BPIFA2: variants seen among roughly 807,000 people sequenced by gnomAD.
The protein encoded by BPIFA2 is BPI fold containing family A member 2.
BPIFA2 carries 20 observed loss-of-function variants against 25.7 expected under a neutral mutation model. The ratio of observed to expected loss-of-function variants is 0.78; its 90% CI spans 0.55 to 1.13. The LOEUF is 1.13. BPIFA2 is among the 50% of genes most tolerant of loss of function. The pLI, the probability that BPIFA2 is intolerant of heterozygous loss-of-function variation, is 0.00. For missense variants in BPIFA2, 300 were observed against 298.1 expected (o/e 1.01, Z -0.05); for synonymous variants, 126 against 124.3 (o/e 1.01, Z -0.09).
chr20:33,163,155 G>A (rs1464157498), intron 1 of BPIFA2, among the ~76,000 whole-genome samples: 1 of 152,196 alleles, frequency 6.6e-6, no homozygotes, highest in Non-Finnish European at 1.5e-5. Context: ...TGTGACGAAT[G>A]AATGAATGAC....
rs1983960692 is a variant in BPIFA2, at chr20:33,173,179, C to A, written c.302+103C>A. 8 of 1,394,962 alleles carry A rather than the reference C, an allele frequency of 5.7e-6. No individual in the cohort carries two copies. The East Asian group carries it at 1.6e-4, about 28-fold the overall frequency. 86.4% of individuals were successfully genotyped at this position (1,394,962 alleles called of 1,614,324 possible). On this transcript the variant is annotated intron_variant, in intron 3 of 8. Transcript: ENST00000354932. ...GAAAGACAGATGGACAAGCCTCATT[C>A]CCCTCCCACAGAGCCAAGGTGGTCT...
chr20:33,163,732 G>A (rs576199103), upstream of BPIFA2, among the ~76,000 whole-genome samples: 4 of 152,284 alleles, frequency 2.6e-5, no homozygotes, highest in East Asian at 3.9e-4. Context: ...TGAGGCAGGA[G>A]AATCACTTGA....
chr20:33,168,991 C>A (rs1030081262), intron 1 of BPIFA2, 140 bp from the exon 2 acceptor site: 8 of 776,492 alleles, frequency 1.0e-5, no homozygotes, highest in Non-Finnish European at 1.4e-5. Flanking sequence ...AGCTTTCTGA[C>A]CTTGGCTGCC....
rs755255576 is a variant in BPIFA2 at position 33,175,592 on chromosome 20, C to G, written c.563+33C>G. ...CCATTCATCTTAGTAGAGCTGGGCT[C>G]TCAGGGAACTTGAGGACCCCTAATT... is the stretch of plus-strand genomic sequence containing the variant. On this transcript the variant is annotated intron_variant, in intron 5 of 8. Transcript: ENST00000354932. 3 of 1,606,026 alleles carry G rather than the reference C, an allele frequency of 1.9e-6. No homozygotes were observed. The African/African-American group carries it at 4.0e-5, about 22-fold the overall frequency.
chr20:33,176,476 A>G (rs970201632), intron 5 of BPIFA2, among the ~76,000 whole-genome samples: 7 of 152,214 alleles, frequency 4.6e-5, no homozygotes, highest in African/African-American at 1.7e-4. Flanking sequence ...GCACTGAGGG[A>G]TCTGAACACA....
chr20:33,180,457 G>C lies in BPIFA2; in HGVS notation c.710-63G>C, dbSNP rs1241439335. Reference sequence around the variant, plus strand: ...CGGCTGGAGAGCGGCATCTTTTGGAGTCTGGTCTCTATTCAATTCCAGTGG... The same window carrying C: ...CGGCTGGAGAGCGGCATCTTTTGGACTCTGGTCTCTATTCAATTCCAGTGG... On this transcript the variant is annotated intron_variant, in intron 7 of 8. Coordinates refer to ENST00000354932, the MANE Select transcript of BPIFA2 (RefSeq NM_080574.4). 3 of 1,546,284 alleles carry C rather than the reference G, an allele frequency of 1.9e-6. No homozygotes were observed. The African/African-American group carries it at 4.1e-5, about 21-fold the overall frequency.
At chr20:33,168,434 G>C (rs1983790535) in intron 1 of BPIFA2, among the ~76,000 whole-genome samples, 1 of 152,174 alleles carries the variant, frequency 6.6e-6, no homozygotes, top group Non-Finnish European at 1.5e-5. Flanking sequence ...TCCCATGACT[G>C]TCCAGGTGTC....
upstream of BPIFA2, among the ~76,000 whole-genome samples, chr20:33,163,931 C>T (rs1381752082): frequency 2.6e-5 from 4 of 152,162 alleles, no homozygotes; most frequent in African/African-American, 7.2e-5. Context: ...TACACATTAC[C>T]TCTCTGTGCC....
chr20:33,165,505 A>G (rs12106221), upstream of BPIFA2, among the ~76,000 whole-genome samples: 4,353 of 152,296 alleles, frequency 0.029, 188 homozygotes, highest in African/African-American at 0.097. Flanking sequence ...CTGGCCCCTC[A>G]TGCAACCCCA....
intron 3 of BPIFA2, 89 bp downstream of exon 3, chr20:33,173,165 G>A (rs909251086): frequency 3.4e-5 from 50 of 1,470,102 alleles, no homozygotes; most frequent in Non-Finnish European, 4.4e-5. Flanking sequence ...AAAGACAGAT[G>A]GACAAGCCTC....
chr20:33,163,260 C>G (rs1338021667), upstream of BPIFA2, among the ~76,000 whole-genome samples: 2 of 152,196 alleles, frequency 1.3e-5, no homozygotes, highest in Non-Finnish European at 1.5e-5. Flanking sequence ...TTGCTTTTCT[C>G]ACTTTAATTA....
chr20:33,165,781 C>T (rs1398829659), upstream of BPIFA2, among the ~76,000 whole-genome samples: 1 of 152,038 alleles, frequency 6.6e-6, no homozygotes. Context: ...GGCCTTTGTC[C>T]CTAAGAGGCA....
chr20:33,174,134 G>A lies in BPIFA2; in HGVS notation c.358G>A (p.Gly120Ser), dbSNP rs774589612. 2 of 1,614,210 alleles carry A rather than the reference G, an allele frequency of 1.2e-6. No homozygotes were observed. Among genetic ancestry groups the A allele is most frequent in the South Asian group, 1.1e-5 (1 of 91,084 alleles). Residue 120 changes from glycine (G) to serine (S), a missense_variant, in exon 4 of 9, where the codon GGC becomes AGC. Gly to Ser is a moderately conservative substitution (Grantham distance 56). Coordinates refer to ENST00000354932, the MANE Select transcript of BPIFA2 (RefSeq NM_080574.4). ...TGTCAAAGCTGAACCGATCGATGATGGCAAAGGCCTTAACCTGAGCTTCCC... is the reference window on the plus strand; with the variant it reads ...TGTCAAAGCTGAACCGATCGATGATAGCAAAGGCCTTAACCTGAGCTTCCC... The part of the protein sequence containing the change: ...LDVKAEPIDD[G>S]KGLNLSFPVT...
chr20:33,172,946 CT>C lies in BPIFA2; in HGVS notation c.173del (p.Leu58ArgfsTer5), dbSNP rs751528374. On this transcript the variant is annotated frameshift_variant, in exon 3 of 9. Coordinates refer to ENST00000354932, the MANE Select transcript of BPIFA2 (RefSeq NM_080574.4). LOFTEE classifies it high-confidence loss of function. ...GTTTTTGGCAGGCATCCTTGAGAAA[CT>C]GAAGGTCGACCTAGGAGTGCTTCAG... ...DNTLKGILEKLKVDLGVLQKS... is the reference protein window; with the variant it reads ...DNTLKGILEKXKVDLGVLQKS... 1.9e-6 allele frequency: 3 copies of C among 1,612,552 alleles called. No individual in the cohort carries two copies. The highest frequency in any genetic ancestry group is 2.2e-5 in the South Asian group (2 of 90,706).
At chr20:33,180,188 G>A (rs537686395) in intron 7 of BPIFA2, among the ~76,000 whole-genome samples, 24 of 151,704 alleles carry the variant, frequency 1.6e-4, no homozygotes, top group South Asian at 6.3e-4. Context: ...ACTGCACTCC[G>A]GCCTGGGTGA....
chr20:33,173,800 G>T (rs1003558513), intron 3 of BPIFA2, among the ~76,000 whole-genome samples: 1 of 152,094 alleles, frequency 6.6e-6, no homozygotes, highest in African/African-American at 2.4e-5. Flanking sequence ...CACCGTGCCC[G>T]GTCCCACTCA....
At chr20:33,162,167 G>A (rs1851154081) in intron 1 of BPIFA2, among the ~76,000 whole-genome samples, 1 of 152,106 alleles carries the variant, frequency 6.6e-6, no homozygotes, top group Admixed American at 6.5e-5. Context: ...TTTCAGTAGA[G>A]ACGGGATTTC....
rs904245625 is a variant in BPIFA2 at position 33,169,738 on chromosome 20, CT to C, written c.157+442del. Among the ~76,000 whole-genome samples, 276 of 152,244 alleles carry C rather than the reference CT, an allele frequency of 1.8e-3. 1 individual carries two copies. Among genetic ancestry groups the C allele is most frequent in the Non-Finnish European group, 1.8e-3 (123 of 68,024 alleles). The stretch of plus-strand genomic sequence containing the variant: ...CCTCTAATTATGAAGGAGCCCTCTT[CT>C]TTTTTCATATATTTACTATGTACTT... On this transcript the variant is annotated intron_variant, in intron 2 of 8. Transcript: ENST00000354932.
intron 2 of BPIFA2, among the ~76,000 whole-genome samples, chr20:33,170,969 G>A (rs1004693161): frequency 6.6e-6 from 1 of 152,158 alleles, no homozygotes; most frequent in Admixed American, 6.5e-5. Context: ...AGTTTTCCCA[G>A]CACCATTTAT....
Sources: gnomAD v4.1 joint callset for allele counts (sites outside exome capture counted in the v4.1 genomes callset) on GRCh38, gnomAD v4.1.1 for gene constraint, MANE v1.5 for transcripts, NCBI Gene and HGNC (gene_info 2026-07-23, HGNC 2026-07-21) for gene names.